PI4KA: variants seen among roughly 807,000 people sequenced by gnomAD.
PI4KA encodes phosphatidylinositol 4-kinase alpha.
Under a neutral mutation model 271.4 loss-of-function variants are expected in PI4KA, and 122 were observed. That is an observed-to-expected ratio of 0.45 (90% confidence interval 0.39 to 0.52). The LOEUF is 0.52. Among genes scored for constraint, PI4KA ranks in the 20% least tolerant of loss-of-function variants. The probability of loss-of-function intolerance (pLI) is 0.00; values close to 1 mark genes in which losing one functional copy is unlikely to be tolerated. For missense variants in PI4KA, 1,969 were observed against 2,769.1 expected (o/e 0.71, Z 6.48); for synonymous variants, 1,041 against 1,078.8 (o/e 0.96, Z 0.69).
intron 19 of PI4KA, 90 bp from the exon 20 acceptor site, chr22:20,765,783 T>C (rs1932469806): frequency 1.3e-6 from 1 of 799,552 alleles, no homozygotes; most frequent in South Asian, 1.4e-5. Flanking sequence ...AGATTCATTC[T>C]CTAAGAGCAT....
rs953725773 is a variant in PI4KA, at chr22:20,742,427, C to T, written c.3614-72G>A. 12 of 1,584,040 alleles carry T rather than the reference C, an allele frequency of 7.6e-6. No individual in the cohort carries two copies. In the East Asian group the frequency reaches 2.7e-4, roughly 36 times the overall value. ...CCCCAAAACAGCTTCCCTGGGCCAA[C>T]AAGAGTTGACCAGCTGGGGCCAGTG... On this transcript the variant is annotated intron_variant, in intron 31 of 54. Transcript: ENST00000255882.
chr22:20,726,574 C>A, intron 41 of PI4KA, 33 bp from the exon 42 acceptor site: 2 of 1,568,972 alleles, frequency 1.3e-6, no homozygotes, highest in East Asian at 2.4e-5. Context: ...GCCATGACTT[C>A]TGAGAGCAGA....
intron 9 of PI4KA, among the ~76,000 whole-genome samples, chr22:20,808,429 T>C (rs1935793528): frequency 6.7e-6 from 1 of 150,140 alleles, no homozygotes; most frequent in Non-Finnish European, 1.5e-5. Flanking sequence ...CTGTCTCTTC[T>C]AAAAATACAA....
At chr22:20,796,410 C>G in intron 17 of PI4KA, 96 bp from the exon 18 acceptor site, 2 of 1,127,034 alleles carry the variant, frequency 1.8e-6, no homozygotes. Context: ...GCGGGCCAGG[C>G]CCAGCCTGCC....
chr22:20,832,350 T>C (rs1451478914), intron 3 of PI4KA, among the ~76,000 whole-genome samples: 2 of 151,944 alleles, frequency 1.3e-5, no homozygotes, highest in Non-Finnish European at 2.9e-5. Flanking sequence ...CTCCTGACCT[T>C]GTGATCCACC....
intron 19 of PI4KA, chr22:20,784,256 CTG>C (rs1934030829): frequency 3.1e-6 from 5 of 1,614,044 alleles, no homozygotes; most frequent in Non-Finnish European, 1.7e-6. Context: ...GTATTTCACA[CTG>C]TGTGTTTGTT....
intron 39 of PI4KA, among the ~76,000 whole-genome samples, chr22:20,729,039 A>AG: frequency 6.6e-6 from 1 of 152,334 alleles, no homozygotes; most frequent in East Asian, 1.9e-4. Flanking sequence ...GGCAGGAATC[A>AG]GATCTTGGCT....
In PI4KA at chr22:20,734,432, C is replaced by G. The variant is rs747398000; in HGVS notation, c.3863G>C (p.Cys1288Ser). 6.2e-7 allele frequency: 1 copy of G among 1,608,488 alleles called. No homozygotes were observed. The highest frequency in any genetic ancestry group is 1.3e-5 in the African/African-American group (1 of 74,434). Residue 1288 changes from cysteine to serine, a missense_variant, in exon 33 of 55, where the codon TGT (cysteine) becomes TCT (serine). Transcript: ENST00000255882. Reference protein sequence around the residue: ...AASEASQPKPCPPEVTPHYIW... With the variant: ...AASEASQPKPSPPEVTPHYIW... ...GTAGTGGGGGGTCACTTCGGGGGGA[C>G]AGGGTTTGGGTTGACTTGCTTCCGA...
intron 12 of PI4KA, among the ~76,000 whole-genome samples, chr22:20,803,800 G>A (rs928957066): frequency 3.3e-5 from 5 of 152,328 alleles, no homozygotes; most frequent in Admixed American, 2.6e-4. Flanking sequence ...TTACAGGAGT[G>A]AGCAACCGTA....
In PI4KA at chr22:20,710,469, C is replaced by T. The variant is rs12171157; in HGVS notation, c.6083+230G>A. On this transcript the variant is annotated intron_variant, in intron 52 of 54. Coordinates refer to ENST00000255882, the MANE Select transcript of PI4KA (RefSeq NM_058004.4). ...ATGCCCAGAAAGGGAGAGCCCATGGCTGAAGGCGTGGGCAGGATCGTGGGG... is the reference window on the plus strand; with the variant it reads ...ATGCCCAGAAAGGGAGAGCCCATGGTTGAAGGCGTGGGCAGGATCGTGGGG... 530 of 585,174 alleles carry T rather than the reference C, an allele frequency of 9.1e-4. 3 individuals are homozygous for T. Among genetic ancestry groups the T allele is most frequent in the African/African-American group, 8.8e-3 (471 of 53,592 alleles). 36.2% of individuals were successfully genotyped at this position (585,174 alleles called of 1,614,324 possible).
chr22:20,770,043 T>C (rs779175365), intron 19 of PI4KA, among the ~76,000 whole-genome samples: 1 of 152,186 alleles, frequency 6.6e-6, no homozygotes, highest in Non-Finnish European at 1.5e-5. Flanking sequence ...AATTTCTCTG[T>C]GTATGTATAC....
At chr22:20,816,827 T>C (rs165763) in intron 7 of PI4KA, among the ~76,000 whole-genome samples, 74,072 of 151,912 alleles carry the variant, frequency 0.49, 18,562 homozygotes, top group African/African-American at 0.59. Context: ...GCCACATTAG[T>C]GTGCTCCCAT....
At chr22:20,805,399 T>C (rs866782264) in intron 10 of PI4KA, among the ~76,000 whole-genome samples, 3 of 152,192 alleles carry the variant, frequency 2.0e-5, no homozygotes, top group South Asian at 2.1e-4. Context: ...TTCCCAGGGA[T>C]GTTACAGCCA....
At chr22:20,786,187 GTC>G in intron 19 of PI4KA, 1 of 1,612,002 alleles carries the variant, frequency 6.2e-7, no homozygotes, top group Admixed American at 1.7e-5. Flanking sequence ...CGTCCCCAGG[GTC>G]TGCCTCAGCA....
At chr22:20,832,688 C>T (rs757223511) in intron 3 of PI4KA, among the ~76,000 whole-genome samples, 4 of 152,110 alleles carry the variant, frequency 2.6e-5, no homozygotes, top group Non-Finnish European at 5.9e-5. Flanking sequence ...CTCCTGACCT[C>T]AAGTGATCTA....
At chr22:20,761,242 G>C in intron 23 of PI4KA, 62 bp downstream of exon 23, 1 of 887,972 alleles carries the variant, frequency 1.1e-6, no homozygotes, top group Non-Finnish European at 1.9e-6. Flanking sequence ...AGAGGAAGTA[G>C]TACGCCTTTT....
intron 19 of PI4KA, among the ~76,000 whole-genome samples, chr22:20,780,962 T>C (rs1203518017): frequency 1.3e-5 from 2 of 152,024 alleles, no homozygotes; most frequent in Non-Finnish European, 2.9e-5. Flanking sequence ...CAATTATCAA[T>C]AAGCAGGAAT....
At position 20,775,728 on chromosome 22, in the gene PI4KA, G is replaced by A. The variant is rs148953063; in HGVS notation, c.2329-10035C>T. ...TGGTCTTGAACTCCTGGGCTCAAGC[G>A]ATCCTCCTGCCTTGGCCTCCCAAGA... is the stretch of plus-strand genomic sequence containing the variant. On this transcript the variant is annotated intron_variant, in intron 19 of 54. Transcript: ENST00000255882. Among the ~76,000 whole-genome samples the A allele has an allele frequency of 1.5e-4, 23 of 152,210 alleles. No homozygotes were observed. In the East Asian group the frequency reaches 3.9e-3, roughly 26 times the overall value.
intron 23 of PI4KA, among the ~76,000 whole-genome samples, chr22:20,759,232 TGG>T (rs1931677041): frequency 6.6e-6 from 1 of 151,964 alleles, no homozygotes; most frequent in Admixed American, 6.6e-5. Flanking sequence ...TTTGTACAGA[TGG>T]GGTATTGCTA....
Sources: allele counts gnomAD v4.1 joint callset (sites outside exome capture counted in the v4.1 genomes callset), GRCh38; gene constraint gnomAD v4.1.1; transcripts MANE v1.5; gene names NCBI Gene and HGNC (gene_info 2026-07-23, HGNC 2026-07-21).